WDR45B: variants seen among roughly 807,000 people sequenced by gnomAD.
WDR45B encodes WD repeat domain 45B, also known as WD repeat domain phosphoinositide-interacting protein 3.
In WDR45B, 20 loss-of-function variants were observed where a neutral mutation model predicts 44.6. The ratio of observed to expected loss-of-function variants is 0.45; its 90% CI spans 0.32 to 0.65. WDR45B has a LOEUF of 0.65. Ranked by LOEUF, WDR45B falls within the 30% of genes least tolerant of loss-of-function variation. The pLI is 0.05. For missense variants in WDR45B, 323 were observed against 430.2 expected, an observed-to-expected ratio of 0.75 and a Z score of 2.20; for synonymous variants, 169 against 164.9, an observed-to-expected ratio of 1.02 and a Z score of -0.19.
intron 2 of WDR45B, among the ~76,000 whole-genome samples, chr17:82,641,737 A>G (rs934075457): frequency 1.3e-5 from 2 of 152,142 alleles, no homozygotes; most frequent in Non-Finnish European, 2.9e-5. Context: ...TCTACCAAAC[A>G]TACAAAAAAA....
Position 82,646,161 on chromosome 17 carries a change from C to T in WDR45B, c.67+2113G>A, listed in dbSNP as rs550369721. On this transcript the variant is annotated intron_variant, in intron 1 of 9. Transcript: ENST00000392325. ...AGATCTACAACTATACTCAACAATACGGAAAAAAAAAATCACAAACATGAT... is the reference window on the plus strand; with the variant it reads ...AGATCTACAACTATACTCAACAATATGGAAAAAAAAAATCACAAACATGAT... 1.3e-3 allele frequency among the ~76,000 whole-genome samples: 193 copies of T among 147,772 alleles called. 1 individual carries two copies. Among genetic ancestry groups the T allele is most frequent in the African/African-American group, 4.7e-3 (182 of 39,126 alleles).
At chr17:82,629,445 G>A (rs2045740488) in intron 3 of WDR45B, 1 of 961,406 alleles carries the variant, frequency 1.0e-6, no homozygotes, top group South Asian at 4.8e-5. Flanking sequence ...GGCTCCTCCA[G>A]AGGACTCACA....
chr17:82,633,802 G>T (rs988854256), intron 2 of WDR45B, among the ~76,000 whole-genome samples: 2 of 152,052 alleles, frequency 1.3e-5, no homozygotes, highest in Non-Finnish European at 2.9e-5. Flanking sequence ...ATGACTTGAG[G>T]CCAGGAGTTT....
intron 7 of WDR45B, among the ~76,000 whole-genome samples, chr17:82,618,456 C>T (rs2045569639): frequency 6.6e-6 from 1 of 152,240 alleles, no homozygotes; most frequent in Non-Finnish European, 1.5e-5. Context: ...CCAGCATTGC[C>T]TTAAACACAA....
At chr17:82,622,594 A>C (rs1232209928) in intron 5 of WDR45B, among the ~76,000 whole-genome samples, 1 of 152,084 alleles carries the variant, frequency 6.6e-6, no homozygotes, top group Admixed American at 6.6e-5. Context: ...CACCATGTCC[A>C]GCTAATTTTT....
intron 3 of WDR45B, among the ~76,000 whole-genome samples, chr17:82,628,717 C>T (rs958837737): frequency 2.0e-5 from 3 of 151,684 alleles, no homozygotes; most frequent in African/African-American, 7.3e-5. Context: ...ACAAAAAACA[C>T]AGCTGGGTGT....
At chr17:82,640,185 C>A (rs1468393888) in intron 2 of WDR45B, among the ~76,000 whole-genome samples, 1 of 152,084 alleles carries the variant, frequency 6.6e-6, no homozygotes, top group African/African-American at 2.4e-5. Context: ...TCAGAGCCCA[C>A]AGTCTCCTTA....
At chr17:82,647,409 G>A (rs1354324535) in intron 1 of WDR45B, among the ~76,000 whole-genome samples, 3 of 152,170 alleles carry the variant, frequency 2.0e-5, no homozygotes, top group African/African-American at 4.8e-5. Context: ...CAAATGGGAG[G>A]TGAGGAGGCA....
At chr17:82,637,743 T>C (rs754134422) in intron 2 of WDR45B, among the ~76,000 whole-genome samples, 1 of 152,002 alleles carries the variant, frequency 6.6e-6, no homozygotes, top group Non-Finnish European at 1.5e-5. Context: ...GGGCAAGGTA[T>C]TAGGGGAAGG....
At chr17:82,642,468 T>C (rs1159276716) in intron 2 of WDR45B, among the ~76,000 whole-genome samples, 1 of 152,194 alleles carries the variant, frequency 6.6e-6, no homozygotes, top group African/African-American at 2.4e-5. Context: ...ACCGCTGCTT[T>C]ATAATAAACT....
At chr17:82,617,161 AG>A in intron 8 of WDR45B, 134 bp downstream of exon 8, 1 of 798,628 alleles carries the variant, frequency 1.3e-6, no homozygotes, top group South Asian at 1.5e-5. Flanking sequence ...TAAATGAAAA[AG>A]ATTTCAGCGC....
intron 1 of WDR45B, among the ~76,000 whole-genome samples, chr17:82,647,374 C>G (rs2045992017): frequency 1.3e-5 from 2 of 152,240 alleles, no homozygotes; most frequent in South Asian, 4.1e-4. Flanking sequence ...TCCTCCCCAT[C>G]AGGACCTTTG....
intron 2 of WDR45B, among the ~76,000 whole-genome samples, chr17:82,632,505 G>T (rs1179817286): frequency 6.6e-6 from 1 of 152,082 alleles, no homozygotes; most frequent in Non-Finnish European, 1.5e-5. Flanking sequence ...AGAGGAAAAT[G>T]TCCACAAATT....
chr17:82,646,587 G>C (rs925826178), intron 1 of WDR45B, among the ~76,000 whole-genome samples: 2 of 151,340 alleles, frequency 1.3e-5, no homozygotes, highest in Admixed American at 1.3e-4. Context: ...ACTAATCTAT[G>C]ATGTCACAAG....
chr17:82,623,702 T>TAAAAAA (rs34801109), intron 5 of WDR45B, among the ~76,000 whole-genome samples: 1 of 131,554 alleles, frequency 7.6e-6, no homozygotes. Context: ...CATCTCATAT[T>TAAAAAA]AAAAAAAAAA....
intron 6 of WDR45B, among the ~76,000 whole-genome samples, 196 bp downstream of exon 6, chr17:82,621,413 C>G (rs2045614672): frequency 6.6e-6 from 1 of 152,214 alleles, no homozygotes; most frequent in Non-Finnish European, 1.5e-5. Flanking sequence ...AGAAATAAAA[C>G]CAGTCCCTGG....
chr17:82,643,663 C>T lies in WDR45B; in HGVS notation c.142+286G>A, dbSNP rs189872254. On this transcript the variant is annotated intron_variant, in intron 2 of 9. Coordinates refer to ENST00000392325, the MANE Select transcript of WDR45B (RefSeq NM_019613.4). ...TTACTTGAAAAGAGGTTTCTGCTGC[C>T]AAAAATCCCTGATGTGACAGGAAAA... 1.3e-3 allele frequency among the ~76,000 whole-genome samples: 197 copies of T among 152,218 alleles called. 1 individual carries two copies. The highest frequency in any genetic ancestry group is 6.8e-3 in the Middle Eastern group (2 of 294).
chr17:82,628,452 A>G (rs2045726481), intron 3 of WDR45B, among the ~76,000 whole-genome samples: 1 of 145,964 alleles, frequency 6.9e-6, no homozygotes. Context: ...GAAGAACCAC[A>G]GGAGGGATGG....
intron 6 of WDR45B, among the ~76,000 whole-genome samples, chr17:82,620,348 G>A (rs977794203): frequency 5.3e-5 from 8 of 152,306 alleles, no homozygotes; most frequent in African/African-American, 9.6e-5. Context: ...CAGGAGAATC[G>A]CTGGCACCCA....
Sources: allele counts gnomAD v4.1 joint callset (sites outside exome capture counted in the v4.1 genomes callset), GRCh38; gene constraint gnomAD v4.1.1; transcripts MANE v1.5; gene names NCBI Gene and HGNC (gene_info 2026-07-23, HGNC 2026-07-21).